TSPEAR: variants seen among roughly 807,000 people sequenced by gnomAD.
TSPEAR encodes the protein thrombospondin type laminin G domain and EAR repeats.
A neutral mutation model predicts 71.6 loss-of-function variants in TSPEAR; 69 were observed. That is an observed-to-expected ratio of 0.96 (90% CI 0.79 to 1.18). The LOEUF is 1.18. Among genes scored for constraint, TSPEAR ranks in the 50% most tolerant of loss-of-function variants. The pLI, the probability that TSPEAR is intolerant of heterozygous loss-of-function variation, is 0.00. For synonymous variants in TSPEAR, 402 were observed against 387.2 expected, an observed-to-expected ratio of 1.04 and a Z score of -0.45; for missense variants, 971 against 894.9, an observed-to-expected ratio of 1.09 and a Z score of -1.09.
chr21:44,634,105 C>A (rs1983407756), intron 1 of TSPEAR, among the ~76,000 whole-genome samples: 1 of 152,050 alleles, frequency 6.6e-6, no homozygotes, highest in Non-Finnish European at 1.5e-5. Flanking sequence ...TTTCATTAGC[C>A]AAATATAGTG....
chr21:44,550,721 G>A, intron 2 of TSPEAR: 1 of 1,614,084 alleles, frequency 6.2e-7, no homozygotes, highest in African/African-American at 1.3e-5. Flanking sequence ...CTGAGGAAAA[G>A]CTGCAGGAGG....
chr21:44,504,267 A>AG (rs1234903629), intron 11 of TSPEAR, among the ~76,000 whole-genome samples: 451 of 87,152 alleles, frequency 5.2e-3, no homozygotes, highest in African/African-American at 0.021. Context: ...GTGAGCCCTC[A>AG]GGGGGAAGCA....
chr21:44,589,100 A>G (rs1979569466), intron 1 of TSPEAR, among the ~76,000 whole-genome samples: 1 of 152,170 alleles, frequency 6.6e-6, no homozygotes, highest in Non-Finnish European at 1.5e-5. Context: ...ATCAACACTA[A>G]ATTACTAATC....
chr21:44,649,855 A>G (rs1467895070), intron 1 of TSPEAR, among the ~76,000 whole-genome samples: 1 of 152,134 alleles, frequency 6.6e-6, no homozygotes, highest in Non-Finnish European at 1.5e-5. Context: ...CAGCCCACTG[A>G]CGCACAGAGG....
chr21:44,658,226 G>A, intron 1 of TSPEAR: 2 of 1,614,108 alleles, frequency 1.2e-6, no homozygotes, highest in Non-Finnish European at 1.7e-6. Flanking sequence ...CTGCACCACT[G>A]CCCTCTGCAG....
chr21:44,570,214 G>T (rs782657440), intron 1 of TSPEAR, among the ~76,000 whole-genome samples: 1 of 152,156 alleles, frequency 6.6e-6, no homozygotes, highest in Non-Finnish European at 1.5e-5. Flanking sequence ...TCGCTCGCTG[G>T]GCTTTGGCAA....
chr21:44,693,389 A>G (rs1188186014), intron 1 of TSPEAR, among the ~76,000 whole-genome samples: 1 of 152,204 alleles, frequency 6.6e-6, no homozygotes, highest in Non-Finnish European at 1.5e-5. Flanking sequence ...TTTTTGAATC[A>G]GAGAACACTG....
chr21:44,518,187 A>T (rs1327083767), intron 9 of TSPEAR: 4 of 386,170 alleles, frequency 1.0e-5, no homozygotes, highest in South Asian at 4.0e-5. Flanking sequence ...AGTATAACTT[A>T]AAAAAATTCC....
At chr21:44,539,140 TG>T in intron 2 of TSPEAR, 6 of 1,262,264 alleles carry the variant, frequency 4.8e-6, no homozygotes, top group Non-Finnish European at 5.3e-6. Context: ...GCTGCAAGGA[TG>T]GAGGCTCCTG....
At chr21:44,611,998 C>T in intron 1 of TSPEAR, 1 of 1,226,022 alleles carries the variant, frequency 8.2e-7, no homozygotes, top group South Asian at 1.4e-5. Flanking sequence ...TGTGAGACTC[C>T]TGTGAGGAAA....
At chr21:44,512,573 T>C (rs1377529924) in intron 9 of TSPEAR, among the ~76,000 whole-genome samples, 21 of 152,230 alleles carry the variant, frequency 1.4e-4, no homozygotes, top group African/African-American at 4.8e-4. Flanking sequence ...GGCGGTGCTC[T>C]GGCCACAGCC....
At chr21:44,561,239 T>C (rs2053628180) in intron 2 of TSPEAR, among the ~76,000 whole-genome samples, 1 of 151,948 alleles carries the variant, frequency 6.6e-6, no homozygotes. Context: ...CTAGAAGAAA[T>C]GGGTAAATTC....
chr21:44,499,589 G>A lies in TSPEAR; in HGVS notation c.*194C>T. 1 of 562,126 alleles carries A rather than the reference G, an allele frequency of 1.8e-6. No homozygotes were observed. The highest frequency in any genetic ancestry group is 2.3e-5 in the South Asian group (1 of 42,836). The allele number at this position is 562,126 out of a possible 1,614,324, so 34.8% of individuals were successfully genotyped here. On this transcript the variant is annotated 3_prime_UTR_variant, in exon 12 of 12. Transcript: ENST00000323084. ...AGACCAGACCGTCACTGGGGCTGTG[G>A]CTCAGAAGGACTCAGAGGTGGATGG...
chr21:44,644,625 T>C (rs1555939107), intron 1 of TSPEAR, among the ~76,000 whole-genome samples: 1 of 152,100 alleles, frequency 6.6e-6, no homozygotes, highest in African/African-American at 2.4e-5. Flanking sequence ...CTGAATGAAC[T>C]GCCACCAATG....
intron 11 of TSPEAR, among the ~76,000 whole-genome samples, chr21:44,500,985 C>T (rs1555911039): frequency 6.6e-6 from 1 of 152,156 alleles, no homozygotes; most frequent in South Asian, 2.1e-4. Context: ...ATACAACTGC[C>T]TTCAGCTTTT....
chr21:44,527,148 G>A (rs984304860), intron 7 of TSPEAR, 144 bp downstream of exon 7: 6 of 763,808 alleles, frequency 7.9e-6, no homozygotes, highest in Admixed American at 5.0e-5. Context: ...TCACGTGTGC[G>A]ACTCTGTCAG....
chr21:44,634,270 G>T (rs1983416576), intron 1 of TSPEAR, among the ~76,000 whole-genome samples: 1 of 149,344 alleles, frequency 6.7e-6, no homozygotes, highest in Non-Finnish European at 1.5e-5. Context: ...ATGGTGCTAG[G>T]ACAACTGGAT....
chr21:44,615,834 TTCTCG>T (rs1256556846), intron 1 of TSPEAR, among the ~76,000 whole-genome samples: 1 of 152,210 alleles, frequency 6.6e-6, no homozygotes, highest in African/African-American at 2.4e-5. Context: ...GACCCTGAGG[TTCTCG>T]TCTCATTTAA....
intron 1 of TSPEAR, among the ~76,000 whole-genome samples, chr21:44,682,348 C>T (rs1555948223): frequency 6.6e-6 from 1 of 152,224 alleles, no homozygotes; most frequent in Non-Finnish European, 1.5e-5. Context: ...GCACCCTCTT[C>T]AAGCTCTTGT....
Sources: allele counts gnomAD v4.1 joint callset (sites outside exome capture counted in the v4.1 genomes callset), GRCh38; gene constraint gnomAD v4.1.1; transcripts MANE v1.5; gene names NCBI Gene and HGNC (gene_info 2026-07-23, HGNC 2026-07-21).